TLK1: variants seen among roughly 807,000 people sequenced by gnomAD.
The protein encoded by TLK1 is tousled like kinase 1.
In TLK1, 24 loss-of-function variants were observed where a neutral mutation model predicts 105.3. The ratio of observed to expected loss-of-function variants is 0.23; its 90% CI spans 0.17 to 0.32. TLK1 has a LOEUF of 0.32. TLK1 is among the 10% of genes least tolerant of loss of function. The pLI, the probability that TLK1 is intolerant of heterozygous loss-of-function variation, is 1.00. For synonymous variants in TLK1, 321 were observed against 310.4 expected (o/e 1.03, Z -0.36); for missense variants, 558 against 910.5 (o/e 0.61, Z 4.98).
intron 1 of TLK1, among the ~76,000 whole-genome samples, chr2:171,157,178 G>A (rs1362280840): frequency 6.6e-6 from 1 of 152,260 alleles, no homozygotes; most frequent in East Asian, 1.9e-4. Flanking sequence ...TGGCAGGTTG[G>A]AGCAGGAAAG....
intron 8 of TLK1, 80 bp downstream of exon 8, chr2:171,053,681 A>G: frequency 8.6e-7 from 1 of 1,166,150 alleles, no homozygotes; most frequent in Non-Finnish European, 1.2e-6. Context: ...TTTTTTTACA[A>G]TGCTAAGTAT....
intron 1 of TLK1, among the ~76,000 whole-genome samples, chr2:171,229,531 A>G (rs1293724795): frequency 6.6e-6 from 1 of 152,180 alleles, no homozygotes; most frequent in Non-Finnish European, 1.5e-5. Flanking sequence ...AAGCTGTGGT[A>G]TCCTGTTCTG....
intron 2 of TLK1, among the ~76,000 whole-genome samples, chr2:171,112,729 G>C (rs1003718464): frequency 1.2e-4 from 18 of 152,020 alleles, no homozygotes; most frequent in African/African-American, 3.6e-4. Context: ...AAGACTGCCA[G>C]ATACAAGACC....
At chr2:171,074,532 GCCAGAGAATTGCTGAGC>G (rs928868582) in intron 3 of TLK1, among the ~76,000 whole-genome samples, 4 of 151,624 alleles carry the variant, frequency 2.6e-5, no homozygotes, top group African/African-American at 9.7e-5. Flanking sequence ...GGAGGCTGAG[GCCAGAGAATTGCTGAGC>G]CCAGAAGGCA....
At chr2:171,078,072 C>T (rs1688592422) in intron 3 of TLK1, among the ~76,000 whole-genome samples, 1 of 152,130 alleles carries the variant, frequency 6.6e-6, no homozygotes, top group South Asian at 2.1e-4. Context: ...GACCTCTTTC[C>T]TGAATTCCAG....
In TLK1 at chr2:170,991,862, G is replaced by A. The variant is rs1053488548; in HGVS notation, c.*1918C>T. The A allele has an allele frequency of 6.6e-6, 1 of 151,758 alleles. No individual in the cohort carries two copies. The highest frequency in any genetic ancestry group is 1.5e-5 in the Non-Finnish European group (1 of 67,914). The allele number at this position is 151,758 out of a possible 1,614,324, so 9.4% of individuals were successfully genotyped here. ...TGAAAACTTGCAGGCAGCACGTAAA[G>A]CACTCAATCAATGCTAAGATTTCAT... On this transcript the variant is annotated 3_prime_UTR_variant, in exon 21 of 21. Coordinates refer to ENST00000431350, the MANE Select transcript of TLK1 (RefSeq NM_012290.5).
chr2:171,050,443 A>G (rs1163290885), intron 8 of TLK1, among the ~76,000 whole-genome samples: 1 of 152,172 alleles, frequency 6.6e-6, no homozygotes, highest in Non-Finnish European at 1.5e-5. Context: ...TGGCTAAGTT[A>G]TAAGAACTTT....
chr2:171,199,330 T>C (rs1411267739), intron 1 of TLK1, among the ~76,000 whole-genome samples: 2 of 152,084 alleles, frequency 1.3e-5, no homozygotes, highest in African/African-American at 4.8e-5. Flanking sequence ...GGGAAACATA[T>C]GGAGACCCTA....
intron 2 of TLK1, among the ~76,000 whole-genome samples, chr2:171,085,607 AG>A (rs1688939187): frequency 2.0e-5 from 3 of 152,338 alleles, no homozygotes; most frequent in East Asian, 3.9e-4. Flanking sequence ...AGAAAATAAA[AG>A]CAAAGTGTTT....
chr2:171,085,633 T>C (rs984589529), intron 2 of TLK1, among the ~76,000 whole-genome samples: 1 of 151,990 alleles, frequency 6.6e-6, no homozygotes, highest in Non-Finnish European at 1.5e-5. Context: ...TTCAGTAAAA[T>C]CCATTTTAAA....
intron 1 of TLK1, among the ~76,000 whole-genome samples, chr2:171,213,211 CTT>C (rs540558932): frequency 2.7e-5 from 4 of 146,488 alleles, no homozygotes; most frequent in Non-Finnish European, 3.0e-5. Flanking sequence ...CTTTTCTTTT[CTT>C]TTTTTTTTTG....
chr2:171,121,740 G>C (rs1690664538), intron 1 of TLK1, among the ~76,000 whole-genome samples: 1 of 152,128 alleles, frequency 6.6e-6, no homozygotes, highest in Admixed American at 6.5e-5. Flanking sequence ...TGGAAGATGA[G>C]GGCATGGGGC....
At chr2:171,093,687 T>A (rs767325763) in intron 2 of TLK1, among the ~76,000 whole-genome samples, 1 of 152,038 alleles carries the variant, frequency 6.6e-6, no homozygotes, top group Non-Finnish European at 1.5e-5. Flanking sequence ...AGCAACACCT[T>A]CTTAATGCCA....
At chr2:171,214,786 C>T (rs78349888) in intron 1 of TLK1, among the ~76,000 whole-genome samples, 36 of 152,298 alleles carry the variant, frequency 2.4e-4, no homozygotes, top group African/African-American at 8.2e-4. Context: ...TTATTTCTAA[C>T]AAATTACTTT....
intron 8 of TLK1, among the ~76,000 whole-genome samples, chr2:171,052,213 T>TC (rs981151639): frequency 1.3e-5 from 2 of 151,818 alleles, no homozygotes; most frequent in African/African-American, 4.8e-5. Context: ...TGAGCTATGA[T>TC]CCCCCACTGT....
At chr2:171,147,704 G>A (rs915907417) in intron 1 of TLK1, among the ~76,000 whole-genome samples, 2 of 152,190 alleles carry the variant, frequency 1.3e-5, no homozygotes, top group Non-Finnish European at 2.9e-5. Flanking sequence ...TCTCCAGCCT[G>A]TTGAAGAACT....
intron 9 of TLK1, 26 bp from the exon 10 acceptor site, chr2:171,049,976 C>A (rs368479387): frequency 1.2e-6 from 2 of 1,613,124 alleles, no homozygotes; most frequent in African/African-American, 2.7e-5. Context: ...AAAATCATCA[C>A]TCAATTGTAT....
chr2:171,052,700 A>C (rs763131086), intron 8 of TLK1, among the ~76,000 whole-genome samples: 1 of 152,244 alleles, frequency 6.6e-6, no homozygotes, highest in Non-Finnish European at 1.5e-5. Flanking sequence ...AACCATAAAG[A>C]AACACCAAGG....
chr2:171,060,115 A>G, intron 4 of TLK1: 1 of 1,427,874 alleles, frequency 7.0e-7, no homozygotes, highest in Non-Finnish European at 9.3e-7. Context: ...AGAAAAAACA[A>G]TTTAGGCAAC....
Sources: allele counts gnomAD v4.1 joint callset (sites outside exome capture counted in the v4.1 genomes callset), GRCh38; gene constraint gnomAD v4.1.1; transcripts MANE v1.5; gene names NCBI Gene and HGNC (gene_info 2026-07-23, HGNC 2026-07-21).